ZFPM2: variants seen among roughly 807,000 people sequenced by gnomAD.
ZFPM2 encodes zinc finger protein, FOG family member 2.
A neutral mutation model predicts 98.6 loss-of-function variants in ZFPM2; 20 were observed. The ratio of observed to expected loss-of-function variants is 0.20; its 90% CI spans 0.14 to 0.29. The LOEUF is 0.29. Ranked by LOEUF, ZFPM2 falls within the 10% of genes least tolerant of loss-of-function variation. ZFPM2 has a pLI of 1.00. For missense variants in ZFPM2, 1,310 were observed against 1,388.6 expected (o/e 0.94, Z 0.90); for synonymous variants, 518 against 502.7 (o/e 1.03, Z -0.41).
intron 3 of ZFPM2, among the ~76,000 whole-genome samples, chr8:105,449,167 A>G (rs759771947): frequency 1.3e-5 from 2 of 152,100 alleles, no homozygotes; most frequent in African/African-American, 2.4e-5. Context: ...ACTTGAGAAT[A>G]GTGAAAATCT....
At chr8:105,407,648 T>C (rs1325853696) in intron 1 of ZFPM2, among the ~76,000 whole-genome samples, 1 of 151,922 alleles carries the variant, frequency 6.6e-6, no homozygotes, top group African/African-American at 2.4e-5. Flanking sequence ...TGTGCATTTT[T>C]TTCAGTTCAA....
intron 1 of ZFPM2, 87 bp downstream of exon 1, chr8:105,319,068 G>T: frequency 7.1e-7 from 1 of 1,402,438 alleles, no homozygotes; most frequent in African/African-American, 1.5e-5. Context: ...GTGGGTGGCG[G>T]GGCTAGGGGA....
chr8:105,438,427 T>G (rs532635003), intron 2 of ZFPM2, among the ~76,000 whole-genome samples: 1 of 152,358 alleles, frequency 6.6e-6, no homozygotes, highest in African/African-American at 2.4e-5. Context: ...CACTTCTGTT[T>G]AACAGAGGTG....
chr8:105,611,932 A>C (rs1457180732), intron 4 of ZFPM2, among the ~76,000 whole-genome samples: 2 of 152,004 alleles, frequency 1.3e-5, no homozygotes, highest in East Asian at 3.9e-4. Context: ...TCCTGACCTC[A>C]GGCGATCCAC....
At chr8:105,601,201 CTTT>C (rs1207002886) in intron 4 of ZFPM2, among the ~76,000 whole-genome samples, 1 of 152,076 alleles carries the variant, frequency 6.6e-6, no homozygotes, top group Non-Finnish European at 1.5e-5. Flanking sequence ...AGCCAGCAGT[CTTT>C]TTTATTCCTC....
chr8:105,739,197 A>C (rs1031365141), intron 5 of ZFPM2, among the ~76,000 whole-genome samples: 5 of 152,078 alleles, frequency 3.3e-5, no homozygotes, highest in African/African-American at 1.2e-4. Context: ...CTCTGACCTT[A>C]GTTTAATTAA....
intron 3 of ZFPM2, among the ~76,000 whole-genome samples, chr8:105,532,653 T>TA (rs1814321396): frequency 6.6e-6 from 1 of 152,174 alleles, no homozygotes; most frequent in Non-Finnish European, 1.5e-5. Flanking sequence ...TCTTTTGGAA[T>TA]AAAAAAGATG....
chr8:105,368,262 CCT>C, intron 1 of ZFPM2, among the ~76,000 whole-genome samples: 1 of 151,506 alleles, frequency 6.6e-6, no homozygotes, highest in South Asian at 2.1e-4. Flanking sequence ...GGGAGGATTC[CCT>C]CTTTTTCTAT....
At chr8:105,422,520 A>T (rs1280730691) in intron 2 of ZFPM2, among the ~76,000 whole-genome samples, 1 of 152,162 alleles carries the variant, frequency 6.6e-6, no homozygotes, top group East Asian at 1.9e-4. Context: ...ATCATTTATG[A>T]CAATTTAAAA....
At chr8:105,407,851 A>G (rs1018435818) in intron 1 of ZFPM2, among the ~76,000 whole-genome samples, 8 of 151,982 alleles carry the variant, frequency 5.3e-5, no homozygotes, top group African/African-American at 1.9e-4. Context: ...AGAATCTACT[A>G]AGCCTGGTTT....
intron 5 of ZFPM2, among the ~76,000 whole-genome samples, chr8:105,680,527 C>T (rs984342044): frequency 1.1e-4 from 16 of 152,150 alleles, no homozygotes; most frequent in African/African-American, 3.6e-4. Context: ...ATGTCATTAT[C>T]TGCTTTCTAA....
At chr8:105,523,097 G>A (rs1814097574) in intron 3 of ZFPM2, among the ~76,000 whole-genome samples, 1 of 152,080 alleles carries the variant, frequency 6.6e-6, no homozygotes, top group Admixed American at 6.6e-5. Context: ...CATCTGAAAT[G>A]GGCTTAAAAT....
intron 1 of ZFPM2, among the ~76,000 whole-genome samples, chr8:105,338,312 A>G (rs1812363688): frequency 6.6e-6 from 1 of 151,648 alleles, no homozygotes; most frequent in South Asian, 2.1e-4. Context: ...ATTCTATTTG[A>G]CTCTTTGATG....
At chr8:105,727,429 A>G (rs1405137239) in intron 5 of ZFPM2, among the ~76,000 whole-genome samples, 2 of 151,802 alleles carry the variant, frequency 1.3e-5, no homozygotes, top group African/African-American at 4.8e-5. Flanking sequence ...GCGATCTCCT[A>G]CTATGGTAAT....
chr8:105,724,917 T>G (rs1811771196), intron 5 of ZFPM2, among the ~76,000 whole-genome samples: 2 of 151,780 alleles, frequency 1.3e-5, no homozygotes, highest in Admixed American at 6.6e-5. Context: ...CTCCAAAATT[T>G]TTTTCTATAT....
chr8:105,541,284 A>G (rs1177946265), intron 3 of ZFPM2, among the ~76,000 whole-genome samples: 1 of 152,134 alleles, frequency 6.6e-6, no homozygotes, highest in Admixed American at 6.6e-5. Flanking sequence ...ATTTCTCTCA[A>G]TTTTATAGAT....
At chr8:105,355,788 A>T (rs917328158) in intron 1 of ZFPM2, among the ~76,000 whole-genome samples, 1 of 152,216 alleles carries the variant, frequency 6.6e-6, no homozygotes, top group Non-Finnish European at 1.5e-5. Context: ...AATAAAAAAA[A>T]CTACAGTGTG....
chr8:105,399,038 A>G (rs1226886230), intron 1 of ZFPM2, among the ~76,000 whole-genome samples: 1 of 152,110 alleles, frequency 6.6e-6, no homozygotes, highest in Admixed American at 6.6e-5. Context: ...ATTAGGAAAG[A>G]GCTCTGGGGT....
intron 4 of ZFPM2, among the ~76,000 whole-genome samples, chr8:105,567,347 A>G (rs1022681012): frequency 6.6e-6 from 1 of 152,134 alleles, no homozygotes; most frequent in Non-Finnish European, 1.5e-5. Flanking sequence ...GAGATTTCCT[A>G]TTCCCAAAGG....
Sources: gnomAD v4.1 joint callset for allele counts (sites outside exome capture counted in the v4.1 genomes callset) on GRCh38, gnomAD v4.1.1 for gene constraint, MANE v1.5 for transcripts, NCBI Gene and HGNC (gene_info 2026-07-23, HGNC 2026-07-21) for gene names.